PRKCB: variants seen among roughly 807,000 people sequenced by gnomAD.
PRKCB encodes protein kinase C beta type.
A neutral mutation model predicts 81.5 loss-of-function variants in PRKCB; 13 were observed. The ratio of observed to expected loss-of-function variants is 0.16; its 90% CI spans 0.10 to 0.25. The LOEUF (loss-of-function observed/expected upper bound fraction) is 0.25, where lower values mean the gene tolerates loss of function less well. Ranked by LOEUF, PRKCB falls within the 10% of genes least tolerant of loss-of-function variation. The pLI is 1.00. For missense variants in PRKCB, 509 were observed against 875.7 expected (o/e 0.58, Z 5.29); for synonymous variants, 335 against 321.4 (o/e 1.04, Z -0.45).
intron 2 of PRKCB, among the ~76,000 whole-genome samples, chr16:23,868,465 T>C (rs182053773): frequency 1.3e-5 from 2 of 152,384 alleles, no homozygotes; most frequent in East Asian, 3.9e-4. Flanking sequence ...TGATAAGTTA[T>C]ACACATTAAT....
intron 2 of PRKCB, among the ~76,000 whole-genome samples, chr16:23,979,264 A>G (rs1469780409): frequency 6.6e-6 from 1 of 152,188 alleles, no homozygotes; most frequent in East Asian, 1.9e-4. Context: ...TGTAGAATCC[A>G]GGCAGCTCAG....
intron 2 of PRKCB, among the ~76,000 whole-genome samples, chr16:23,912,530 T>TTTTTTTTA (rs1963677348): frequency 7.0e-6 from 1 of 142,652 alleles, no homozygotes; most frequent in Non-Finnish European, 1.5e-5. Context: ...TTTTTTTTTT[T>TTTTTTTTA]GAGACAGAGT....
At position 23,988,422 on chromosome 16, in the gene PRKCB, T is replaced by G; in HGVS notation, c.206-86T>G. 4 of 1,084,728 alleles carry G rather than the reference T, an allele frequency of 3.7e-6. No individual in the cohort carries two copies. In the South Asian group the frequency reaches 5.5e-5, roughly 15 times the overall value. The allele number at this position is 1,084,728 out of a possible 1,614,324, so 67.2% of individuals were successfully genotyped here. ...CTTTACTTGTTGGTGAAGTTCAAGT[T>G]TAATGATCTCTTCCTCCCTTTCTCT... On this transcript the variant is annotated intron_variant, in intron 2 of 16. Coordinates refer to ENST00000643927, the MANE Select transcript of PRKCB (RefSeq NM_002738.7).
intron 2 of PRKCB, among the ~76,000 whole-genome samples, chr16:23,913,021 G>A (rs1342384539): frequency 1.3e-5 from 2 of 151,932 alleles, no homozygotes; most frequent in Non-Finnish European, 2.9e-5. Flanking sequence ...GACTGGTCTT[G>A]AACTCCTGGG....
chr16:23,888,664 C>G (rs778718009), intron 2 of PRKCB, among the ~76,000 whole-genome samples: 4 of 145,788 alleles, frequency 2.7e-5, no homozygotes, highest in Admixed American at 6.7e-5. Flanking sequence ...CCACCCTCGT[C>G]ATGTTTCTCG....
At chr16:23,879,279 G>T (rs1963066763) in intron 2 of PRKCB, among the ~76,000 whole-genome samples, 1 of 152,126 alleles carries the variant, frequency 6.6e-6, no homozygotes, top group Non-Finnish European at 1.5e-5. Flanking sequence ...AATGCTGAGA[G>T]CTGGGCACTG....
intron 9 of PRKCB, among the ~76,000 whole-genome samples, chr16:24,136,590 A>G (rs1323527352): frequency 6.6e-6 from 1 of 152,144 alleles, no homozygotes; most frequent in African/African-American, 2.4e-5. Flanking sequence ...ATGCTTCTCA[A>G]GTCTCCATGT....
chr16:24,106,065 GTTA>G (rs1440134202), intron 7 of PRKCB, among the ~76,000 whole-genome samples: 2 of 143,844 alleles, frequency 1.4e-5, no homozygotes, highest in Non-Finnish European at 3.0e-5. Flanking sequence ...AAAACTTTCT[GTTA>G]TTATTAATAA....
At chr16:24,144,217 T>A (rs1966954350) in intron 9 of PRKCB, among the ~76,000 whole-genome samples, 1 of 151,676 alleles carries the variant, frequency 6.6e-6, no homozygotes, top group South Asian at 2.1e-4. Context: ...GAGAGGGAGA[T>A]GGCAAAGGAG....
At chr16:24,037,769 C>T (rs929877242) in intron 5 of PRKCB, among the ~76,000 whole-genome samples, 3 of 151,726 alleles carry the variant, frequency 2.0e-5, no homozygotes, top group Non-Finnish European at 2.9e-5. Context: ...CACAAGCCCC[C>T]GCTTCTCAGG....
intron 2 of PRKCB, among the ~76,000 whole-genome samples, chr16:23,907,628 A>G (rs892335971): frequency 1.3e-5 from 2 of 152,240 alleles, no homozygotes; most frequent in Non-Finnish European, 1.5e-5. Flanking sequence ...TGTCATCAGC[A>G]GTATCAATGG....
intron 5 of PRKCB, among the ~76,000 whole-genome samples, chr16:24,050,812 G>C (rs563682485): frequency 5.9e-5 from 9 of 152,128 alleles, no homozygotes; most frequent in Admixed American, 4.6e-4. Flanking sequence ...TACTCTTTTG[G>C]GGGGTCTGGG....
At chr16:23,925,372 G>T (rs1257259043) in intron 2 of PRKCB, among the ~76,000 whole-genome samples, 1 of 152,014 alleles carries the variant, frequency 6.6e-6, no homozygotes, top group Non-Finnish European at 1.5e-5. Flanking sequence ...AGACCTGACT[G>T]GTCATTGGGT....
In PRKCB at chr16:23,836,189, C is replaced by T. The variant is rs201366670; in HGVS notation, c.14C>T (p.Ala5Val). MADPAAGPPPSEGEE... is the reference protein window; with the variant it reads MADPVAGPPPSEGEE... The stretch of plus-strand genomic sequence containing the variant: ...CCCGCGCGCAAGATGGCTGACCCGG[C>T]TGCGGGGCCGCCGCCGAGCGAGGGC... The change falls in exon 1 of 17, where the codon GCT (alanine) becomes GTT (valine). Residue 5 changes from alanine (A) to valine (V), a missense_variant. Coordinates refer to ENST00000643927, the MANE Select transcript of PRKCB (RefSeq NM_002738.7). The T allele has an allele frequency of 5.1e-6, 8 of 1,566,680 alleles. No homozygotes were observed. In the East Asian group the frequency reaches 2.1e-4, roughly 41 times the overall value.
chr16:24,122,071 T>C (rs1283620987), intron 8 of PRKCB, among the ~76,000 whole-genome samples: 1 of 152,178 alleles, frequency 6.6e-6, no homozygotes, highest in Non-Finnish European at 1.5e-5. Context: ...GTTTGTAAGA[T>C]GGTGACAAGT....
chr16:24,017,190 G>A (rs1054562830), intron 3 of PRKCB, among the ~76,000 whole-genome samples: 3 of 152,126 alleles, frequency 2.0e-5, no homozygotes, highest in African/African-American at 7.2e-5. Context: ...GATCAGTGGA[G>A]CATAAGACAA....
intron 2 of PRKCB, among the ~76,000 whole-genome samples, chr16:23,987,431 C>T (rs908369965): frequency 1.3e-5 from 2 of 151,848 alleles, no homozygotes; most frequent in Non-Finnish European, 2.9e-5. Flanking sequence ...GATCGCATCC[C>T]TGTGGTGTCA....
chr16:23,893,586 G>A (rs1400655508), intron 2 of PRKCB: 2 of 152,120 alleles, frequency 1.3e-5, no homozygotes, highest in South Asian at 2.1e-4. Flanking sequence ...AAAACCATCC[G>A]GCGTTGTTAA....
At position 24,049,047 on chromosome 16, in the gene PRKCB, G is replaced by GTTTTTTTTTTTT. The variant is rs1160842975; in HGVS notation, c.529+13519_529+13530dup. 3.6e-4 allele frequency among the ~76,000 whole-genome samples: 18 copies of GTTTTTTTTTTTT among 49,692 alleles called. 4 individuals carry two copies. The highest frequency in any genetic ancestry group is 5.2e-4 in the Non-Finnish European group (15 of 28,602). 32.6% of individuals were successfully genotyped at this position (49,692 alleles called of 152,430 possible). ...TGATAACATTTCTTCAAATTGGCCT[G>GTTTTTTTTTTTT]TTTTTTTTTTTTTTTTTTTTTTTTT... On this transcript the variant is annotated intron_variant, in intron 5 of 16. Transcript: ENST00000643927.
Sources: gnomAD v4.1 joint callset for allele counts (sites outside exome capture counted in the v4.1 genomes callset) on GRCh38, gnomAD v4.1.1 for gene constraint, MANE v1.5 for transcripts, NCBI Gene and HGNC (gene_info 2026-07-23, HGNC 2026-07-21) for gene names.